The following NASP variants were observed in gnomAD, a reference collection of about 807,000 sequenced individuals.
NASP encodes NASP histone chaperone.
In NASP, 24 loss-of-function variants were observed where a neutral mutation model predicts 89.5. The ratio of observed to expected loss-of-function variants is 0.27; its 90% CI spans 0.19 to 0.38. The LOEUF is 0.38. Ranked by LOEUF, NASP falls within the 10% of genes least tolerant of loss-of-function variation. The pLI, the probability that NASP is intolerant of heterozygous loss-of-function variation, is 1.00. For missense variants in NASP, 848 were observed against 921.4 expected, an observed-to-expected ratio of 0.92 and a Z score of 1.03; for synonymous variants, 306 against 324.7, an observed-to-expected ratio of 0.94 and a Z score of 0.62.
At chr1:45,606,412 A>G in intron 4 of NASP, 70 bp from the exon 5 acceptor site, 1 of 1,083,988 alleles carries the variant, frequency 9.2e-7, no homozygotes, top group South Asian at 1.3e-5. Flanking sequence ...ATAGGACTGT[A>G]TTTTCTGTCT....
chr1:45,598,948 C>T lies in NASP; in HGVS notation c.108-3307C>T, dbSNP rs185056491. On this transcript the variant is annotated intron_variant, in intron 2 of 14. Transcript: ENST00000350030. ...TATTAACACTTAATACCAGTTGCCC[C>T]GGCCAAAAAAACATTTGCTTCACCT... Among the ~76,000 whole-genome samples the T allele has an allele frequency of 1.7e-3, 265 of 151,852 alleles. 1 individual carries two copies. The highest frequency in any genetic ancestry group is 6.1e-3 in the African/African-American group (251 of 41,442).
intron 1 of NASP, among the ~76,000 whole-genome samples, chr1:45,588,167 G>A (rs1005875256): frequency 2.0e-5 from 3 of 152,030 alleles, no homozygotes; most frequent in African/African-American, 7.2e-5. Flanking sequence ...GCACTGGTGC[G>A]ATCTAGGCTC....
chr1:45,599,724 G>A (rs1056600936), intron 2 of NASP, among the ~76,000 whole-genome samples: 10 of 152,230 alleles, frequency 6.6e-5, no homozygotes, highest in South Asian at 4.1e-4. Flanking sequence ...ACTGCTGCCC[G>A]GCCAGACTTT....
chr1:45,616,694 C>T lies in NASP; in HGVS notation c.2148C>T (p.Val716=). 1 of 1,613,270 alleles carries T rather than the reference C, an allele frequency of 6.2e-7. No individual in the cohort carries two copies. The highest frequency in any genetic ancestry group is 1.1e-5 in the South Asian group (1 of 91,074). The change falls in exon 13 of 15, where the codon GTC becomes GTT. Residue 716 remains valine, a synonymous_variant. Transcript: ENST00000350030. ...SNCVTDISHL[V]RKKRKPEEES... Reference sequence around the variant, plus strand: ...GTGTGACTGATATTTCCCACCTTGTCAGAAAGAAGGTAAGTCTACATGTGG... The same window carrying T: ...GTGTGACTGATATTTCCCACCTTGTTAGAAAGAAGGTAAGTCTACATGTGG...
At chr1:45,584,264 CG>C in intron 1 of NASP, 59 bp downstream of exon 1, 4 of 1,478,134 alleles carry the variant, frequency 2.7e-6, no homozygotes, top group Non-Finnish European at 2.8e-6. Context: ...GGCTAATGGA[CG>C]GGGGCTCCGG....
chr1:45,602,321 T>G lies in NASP; in HGVS notation c.174T>G (p.Asp58Glu). 2.5e-6 allele frequency: 4 copies of G among 1,613,790 alleles called. No individual in the cohort carries two copies. Among genetic ancestry groups the G allele is most frequent in the Non-Finnish European group, 3.4e-6 (4 of 1,179,756 alleles). Residue 58 changes from aspartate to glutamate, a missense_variant, in exon 3 of 15, where the codon GAT (aspartate) becomes GAG (glutamate). Coordinates refer to ENST00000350030, the MANE Select transcript of NASP (RefSeq NM_002482.4). ...GACAGAAACATCTGGTGATGGGGGA[T>G]ATTCCAGCAGCTGTCAATGCATTCC... Reference protein sequence around the residue: ...GLGQKHLVMGDIPAAVNAFQE... With the variant: ...GLGQKHLVMGEIPAAVNAFQE...
intron 7 of NASP, 45 bp from the exon 8 acceptor site, chr1:45,614,050 TA>T: frequency 5.0e-6 from 7 of 1,389,684 alleles, no homozygotes; most frequent in Non-Finnish European, 6.1e-6. Context: ...TTTAGATTTG[TA>T]TTTGAAAAAG....
At chr1:45,614,041 T>C in intron 7 of NASP, 55 bp from the exon 8 acceptor site, 1 of 1,356,068 alleles carries the variant, frequency 7.4e-7, no homozygotes, top group Non-Finnish European at 1.0e-6. Context: ...AGTTATACAT[T>C]TAGATTTGTA....
chr1:45,608,498 C>G, intron 6 of NASP, 161 bp downstream of exon 6: 8 of 687,896 alleles, frequency 1.2e-5, no homozygotes, highest in Non-Finnish European at 1.9e-5. Context: ...TCGTGATAGT[C>G]AAGTAAGTTC....
At chr1:45,589,109 A>G (rs1043240105) in intron 1 of NASP, among the ~76,000 whole-genome samples, 18 of 152,284 alleles carry the variant, frequency 1.2e-4, no homozygotes, top group South Asian at 6.2e-4. Context: ...GAATCTGTCA[A>G]TATCCTATGG....
intron 3 of NASP, among the ~76,000 whole-genome samples, chr1:45,602,951 A>G (rs1451769472): frequency 6.6e-6 from 1 of 152,200 alleles, no homozygotes; most frequent in African/African-American, 2.4e-5. Flanking sequence ...GAGTTTTAAC[A>G]CTAGAAGTTC....
intron 2 of NASP, among the ~76,000 whole-genome samples, chr1:45,596,327 C>T (rs1643694115): frequency 6.6e-6 from 1 of 152,162 alleles, no homozygotes; most frequent in Admixed American, 6.5e-5. Flanking sequence ...CCAATCTTAT[C>T]TTGCAAATCT....
At chr1:45,599,356 C>G (rs2148345626) in intron 2 of NASP, among the ~76,000 whole-genome samples, 1 of 152,320 alleles carries the variant, frequency 6.6e-6, no homozygotes, top group East Asian at 1.9e-4. Flanking sequence ...ATCCTCCCAC[C>G]TTCGCCTCCC....
chr1:45,597,179 C>T (rs1404234843), intron 2 of NASP, among the ~76,000 whole-genome samples: 2 of 151,374 alleles, frequency 1.3e-5, no homozygotes, highest in Non-Finnish European at 2.9e-5. Flanking sequence ...TGGTGGTGCC[C>T]GCTTTTAATC....
At chr1:45,601,671 AT>A (rs1055833218) in intron 2 of NASP, among the ~76,000 whole-genome samples, 1 of 136,576 alleles carries the variant, frequency 7.3e-6, no homozygotes, top group African/African-American at 2.7e-5. Flanking sequence ...TACCTTTTTT[AT>A]TTGTGGATCA....
chr1:45,594,332 AAAAC>A (rs1015726918), intron 2 of NASP, among the ~76,000 whole-genome samples: 24 of 152,136 alleles, frequency 1.6e-4, no homozygotes, highest in South Asian at 4.1e-4. Context: ...TCAAAAAAAA[AAAAC>A]AAACAACAAC....
rs773260395 is a variant in NASP at position 45,607,840 on chromosome 1, G to T, written c.929G>T (p.Gly310Val). 2 of 1,614,206 alleles carry T rather than the reference G, an allele frequency of 1.2e-6. No individual in the cohort carries two copies. Among genetic ancestry groups the T allele is most frequent in the South Asian group, 2.2e-5 (2 of 91,088 alleles). ...CCGACAGTCAAGCCAGTGGATGTGG[G>T]TGGGGACGAGCCAGAGGAGAAGGTA... ...LDPTVKPVDV[G>V]GDEPEEKVVT... Residue 310 changes from glycine (G) to valine (V), a missense_variant, in exon 6 of 15, where the codon GGT becomes GTT. Around this residue, in one of 5 missense-constraint regions of NASP, gnomAD observed 464 missense variants for 469.4 expected, o/e 0.99. Coordinates refer to ENST00000350030, the MANE Select transcript of NASP (RefSeq NM_002482.4).
chr1:45,587,828 T>C (rs2148326966), intron 1 of NASP, among the ~76,000 whole-genome samples: 1 of 150,830 alleles, frequency 6.6e-6, no homozygotes, highest in Admixed American at 6.6e-5. Flanking sequence ...GACTACAGTT[T>C]ACAAAAATTA....
In NASP at chr1:45,614,282, CCTT is replaced by C. The variant is rs779983689; in HGVS notation, c.1593-7_1593-5del. ...ACTGTTAAGGTTTTTGATCAATTTT[CCTT>C]CTTTTAGGCAAGAAACAAAAGAAGC... On this transcript the variant is annotated splice_region_variant and splice_polypyrimidine_tract_variant and intron_variant, in intron 8 of 14. Transcript: ENST00000350030. 5.6e-6 allele frequency: 9 copies of C among 1,612,742 alleles called. No individual in the cohort carries two copies. Among genetic ancestry groups the C allele is most frequent in the African/African-American group, 4.0e-5 (3 of 74,874 alleles).
Sources: allele counts gnomAD v4.1 joint callset (sites outside exome capture counted in the v4.1 genomes callset), GRCh38; gene constraint gnomAD v4.1.1; regional missense constraint gnomAD v4.1.1; transcripts MANE v1.5; gene names NCBI Gene and HGNC (gene_info 2026-07-23, HGNC 2026-07-21).